Variants in ZGRF1 observed in about 807,000 individuals in gnomAD.
The protein encoded by ZGRF1 is zinc finger GRF-type containing 1.
A neutral mutation model predicts 203.5 loss-of-function variants in ZGRF1; 196 were observed. That is an observed-to-expected ratio of 0.96 (90% CI 0.86 to 1.08). ZGRF1 has a LOEUF of 1.08. ZGRF1 is among the 50% of genes least tolerant of loss of function. ZGRF1 has a pLI of 0.00. For missense variants in ZGRF1, 2,326 were observed against 2,416.3 expected (o/e 0.96, Z 0.78); for synonymous variants, 809 against 841.3 (o/e 0.96, Z 0.66).
At chr4:112,566,428 C>G (rs1409108860) in intron 16 of ZGRF1, among the ~76,000 whole-genome samples, 1 of 151,138 alleles carries the variant, frequency 6.6e-6, no homozygotes, top group Non-Finnish European at 1.5e-5. Context: ...CAGCATGGCA[C>G]ATGTATACAT....
At chr4:112,607,130 CT>C (rs918375229) in intron 8 of ZGRF1, among the ~76,000 whole-genome samples, 12 of 148,292 alleles carry the variant, frequency 8.1e-5, no homozygotes, top group South Asian at 2.1e-4. Flanking sequence ...AGAATTTTTT[CT>C]TTTTTTTTTA....
intron 16 of ZGRF1, among the ~76,000 whole-genome samples, chr4:112,572,357 G>T (rs1437880871): frequency 6.6e-6 from 1 of 152,156 alleles, no homozygotes; most frequent in Non-Finnish European, 1.5e-5. Context: ...ACATGTGGAG[G>T]AATGAAATTG....
In ZGRF1 at chr4:112,541,683, C is replaced by T. The variant is rs180890723; in HGVS notation, c.5599-415G>A. ...AGCTGGGATTACAGGCACCCACCAT[C>T]ATGCATGGCTAATTTTTGTATTTTT... On this transcript the variant is annotated intron_variant, in intron 24 of 27. Coordinates refer to ENST00000505019, the MANE Select transcript of ZGRF1 (RefSeq NM_018392.5). 5.9e-5 allele frequency among the ~76,000 whole-genome samples: 9 copies of T among 152,136 alleles called. No individual in the cohort carries two copies. The East Asian group carries it at 1.7e-3, about 30-fold the overall frequency.
chr4:112,612,678 TA>T, intron 6 of ZGRF1, 90 bp from the exon 7 acceptor site: 1 of 749,294 alleles, frequency 1.3e-6, no homozygotes, highest in Non-Finnish European at 2.2e-6. Flanking sequence ...ACAAGGAATA[TA>T]ACTTAAATTT....
chr4:112,617,103 T>C (rs1315336885), intron 6 of ZGRF1, among the ~76,000 whole-genome samples: 3 of 152,082 alleles, frequency 2.0e-5, no homozygotes, highest in African/African-American at 4.8e-5. Context: ...AAAAAAAAGA[T>C]TGACATATAC....
rs1454073575 is a variant in ZGRF1 at position 112,612,520 on chromosome 4, G to T, written c.2667+4C>A. 6.3e-7 allele frequency: 1 copy of T among 1,582,984 alleles called. No individual in the cohort carries two copies. Among genetic ancestry groups the T allele is most frequent in the Non-Finnish European group, 8.6e-7 (1 of 1,157,640 alleles). On this transcript the variant is annotated splice_donor_region_variant and intron_variant, in intron 7 of 27. Transcript: ENST00000505019. ...AAACATACTCTTAGAAAAAAAACCT[G>T]TACCTGTTGAGAATCCTTGTGCAGA...
chr4:112,556,055 T>C (rs1364892621), intron 20 of ZGRF1, among the ~76,000 whole-genome samples: 6 of 152,058 alleles, frequency 3.9e-5, no homozygotes, highest in Non-Finnish European at 5.9e-5. Flanking sequence ...TAACTCCTCA[T>C]TGTCTTTAAT....
At chr4:112,585,422 C>A (rs1457568755) in intron 14 of ZGRF1, 119 bp downstream of exon 14, 6 of 665,146 alleles carry the variant, frequency 9.0e-6, no homozygotes, top group Admixed American at 3.8e-5. Flanking sequence ...GGTACCAACA[C>A]CTCAAATAGA....
chr4:112,623,789 T>G, intron 4 of ZGRF1, 28 bp downstream of exon 4: 1 of 1,250,434 alleles, frequency 8.0e-7, no homozygotes, highest in Non-Finnish European at 1.1e-6. Flanking sequence ...AATAATAACT[T>G]AAAAATAAGA....
At chr4:112,547,799 T>C (rs1465694920) in intron 23 of ZGRF1, among the ~76,000 whole-genome samples, 2 of 152,220 alleles carry the variant, frequency 1.3e-5, no homozygotes, top group Non-Finnish European at 2.9e-5. Context: ...AGGGGCTAAA[T>C]GTTTTCCTAA....
intron 10 of ZGRF1, among the ~76,000 whole-genome samples, chr4:112,593,232 T>G (rs1748467310): frequency 6.6e-6 from 1 of 152,176 alleles, no homozygotes; most frequent in South Asian, 2.1e-4. Context: ...TCTTCTCCCT[T>G]TCTTTCACCC....
Position 112,577,221 on chromosome 4 carries a change from C to A in ZGRF1, c.4438+4442G>T, listed in dbSNP as rs879303699. 2.5e-5 allele frequency among the ~76,000 whole-genome samples: 3 copies of A among 122,234 alleles called. 1 individual carries two copies. Among genetic ancestry groups the A allele is most frequent in the Non-Finnish European group, 1.8e-5 (1 of 54,894 alleles). 80.2% of individuals were successfully genotyped at this position (122,234 alleles called of 152,430 possible). The stretch of plus-strand genomic sequence containing the variant: ...AGAAATAAAATCCTTTACAGACAAG[C>A]AAATGCTGAGAGATTTTGTCACCAC... On this transcript the variant is annotated intron_variant, in intron 16 of 27. Transcript: ENST00000505019.
chr4:112,627,840 A>G (rs761645662), intron 3 of ZGRF1, among the ~76,000 whole-genome samples: 4 of 152,196 alleles, frequency 2.6e-5, no homozygotes, highest in Non-Finnish European at 4.4e-5. Flanking sequence ...TCTTCATGAT[A>G]TTGTTCCTGT....
Position 112,560,923 on chromosome 4 carries a change from G to A in ZGRF1, c.4770C>T (p.Val1590=), listed in dbSNP as rs765099725. The A allele has an allele frequency of 5.0e-6, 8 of 1,612,414 alleles. No homozygotes were observed. Among genetic ancestry groups the A allele is most frequent in the Non-Finnish European group, 6.8e-6 (8 of 1,178,756 alleles). The stretch of plus-strand genomic sequence containing the variant: ...GGCTGAGTAGTTCAAATTTTGTACT[G>A]ACATTTGTGAAGGCTGGTGGGATAA... ...RKFIPPAFTN[V]STKFELLSLG... is the part of the protein sequence containing the mutation. Residue 1590 remains valine (V), a synonymous_variant, in exon 19 of 28, where the codon GTC becomes GTT. Transcript: ENST00000505019.
intron 16 of ZGRF1, among the ~76,000 whole-genome samples, chr4:112,576,314 C>T (rs942767816): frequency 1.3e-5 from 2 of 152,084 alleles, no homozygotes; most frequent in South Asian, 2.1e-4. Context: ...TAGATAAAAC[C>T]ACAAAGATGG....
Position 112,584,017 on chromosome 4 carries a change from T to C in ZGRF1, c.4259A>G (p.Gln1420Arg). Residue 1420 changes from glutamine to arginine, a missense_variant, in exon 15 of 28, where the codon CAA becomes CGA. Gln to Arg is a conservative substitution (Grantham distance 43). Transcript: ENST00000505019. ...GCATTCCTCATAAAGTGGTATCTTT[T>C]GACTTCTTAAATATAAGCCAATACT... ...IKSIGLYLRS[Q>R]KIPLYEECQL... is the part of the protein sequence containing the mutation. The C allele has an allele frequency of 6.2e-7, 1 of 1,610,898 alleles. No individual in the cohort carries two copies. The highest frequency in any genetic ancestry group is 8.5e-7 in the Non-Finnish European group (1 of 1,179,082).
chr4:112,628,467 T>C (rs2149202043), intron 3 of ZGRF1, among the ~76,000 whole-genome samples: 1 of 152,344 alleles, frequency 6.6e-6, no homozygotes, highest in Middle Eastern at 3.4e-3. Context: ...ACCAGTAATA[T>C]GTTGGTTGGT....
chr4:112,547,263 G>GT (rs562748055), intron 24 of ZGRF1, 22 bp downstream of exon 24: 1 of 1,594,694 alleles, frequency 6.3e-7, no homozygotes, highest in South Asian at 1.1e-5. Context: ...TGATAATTCC[G>GT]TAAGAATTCA....
At chr4:112,597,799 G>A (rs887466268) in intron 10 of ZGRF1, among the ~76,000 whole-genome samples, 8 of 150,974 alleles carry the variant, frequency 5.3e-5, no homozygotes, top group African/African-American at 2.0e-4. Context: ...CAGGAGAATC[G>A]CTTAAGCCTG....
Sources: allele counts gnomAD v4.1 joint callset (sites outside exome capture counted in the v4.1 genomes callset), GRCh38; gene constraint gnomAD v4.1.1; transcripts MANE v1.5; gene names NCBI Gene and HGNC (gene_info 2026-07-23, HGNC 2026-07-21).